Variants in LARGE1 observed in about 807,000 individuals in gnomAD.
LARGE1 encodes xylosyl- and glucuronyltransferase LARGE1.
A neutral mutation model predicts 87.6 loss-of-function variants in LARGE1; 43 were observed. That is an observed-to-expected ratio of 0.49 (90% CI 0.38 to 0.63). The LOEUF is 0.63. Among genes scored for constraint, LARGE1 ranks in the 30% least tolerant of loss-of-function variants. The pLI, the probability that LARGE1 is intolerant of heterozygous loss-of-function variation, is 0.00. For missense variants in LARGE1, 802 were observed against 1,000.2 expected (o/e 0.80, Z 2.67); for synonymous variants, 434 against 394.6 (o/e 1.10, Z -1.18).
rs1361818325 is a variant in LARGE1, at chr22:33,432,254, G to A, written c.799C>T (p.Leu267=). Residue 267 remains leucine (L), a synonymous_variant, in exon 7 of 15, where the codon CTG becomes TTG. Transcript: ENST00000397394. ...VFHKFKGQQV[L]GLVENQSDWY... ...TCACTCTGGTTCTCCACCAAGCCCA[G>A]GACTTGCTGACCTGTGAGGTACAGA... 6.2e-7 allele frequency: 1 copy of A among 1,613,872 alleles called. No homozygotes were observed. The highest frequency in any genetic ancestry group is 8.5e-7 in the Non-Finnish European group (1 of 1,179,888).
chr22:33,793,186 A>C (rs956445195), intron 1 of LARGE1, among the ~76,000 whole-genome samples: 5 of 152,194 alleles, frequency 3.3e-5, no homozygotes, highest in African/African-American at 1.2e-4. Context: ...GAGCTGAAAA[A>C]CATGTTCTGA....
At chr22:33,488,278 T>C (rs888249722) in intron 6 of LARGE1, among the ~76,000 whole-genome samples, 6 of 152,242 alleles carry the variant, frequency 3.9e-5, no homozygotes, top group African/African-American at 1.4e-4. Context: ...CACATGGTAG[T>C]GGTTACCATA....
At position 33,651,956 on chromosome 22, in the gene LARGE1, G is replaced by A. The variant is rs553503239; in HGVS notation, c.107-1288C>T. Among the ~76,000 whole-genome samples the A allele has an allele frequency of 9.2e-5, 14 of 152,232 alleles. No individual in the cohort carries two copies. In the South Asian group the frequency reaches 2.9e-3, roughly 32 times the overall value. On this transcript the variant is annotated intron_variant, in intron 2 of 14. Transcript: ENST00000397394. Reference sequence around the variant, plus strand: ...TGGGAGGCCAAGGCGGGCAAATCACGAGGTCAGGAGATCGAGACCATCCTG... The same window carrying A: ...TGGGAGGCCAAGGCGGGCAAATCACAAGGTCAGGAGATCGAGACCATCCTG...
At chr22:33,766,197 C>T (rs1470812128) in intron 1 of LARGE1, among the ~76,000 whole-genome samples, 2 of 152,250 alleles carry the variant, frequency 1.3e-5, no homozygotes, top group East Asian at 3.9e-4. Flanking sequence ...CTCTAATCTG[C>T]TGTCTCCCTA....
exon 12 of LARGE1, chr22:33,165,897 G>A (rs1922241816): frequency 6.6e-6 from 1 of 152,026 alleles, no homozygotes; most frequent in Non-Finnish European, 1.5e-5. Flanking sequence ...AGCACTTCAG[G>A]AACAAAATCA....
intron 5 of LARGE1, among the ~76,000 whole-genome samples, chr22:33,582,307 A>C (rs554121052): frequency 6.6e-5 from 10 of 152,312 alleles, no homozygotes; most frequent in African/African-American, 1.9e-4. Context: ...GTGGATGAAA[A>C]GTCTTTGTCC....
At chr22:33,510,796 A>T (rs918015161) in intron 6 of LARGE1, among the ~76,000 whole-genome samples, 14 of 152,156 alleles carry the variant, frequency 9.2e-5, no homozygotes, top group African/African-American at 3.4e-4. Flanking sequence ...TATGTTGCCC[A>T]GGCTGGTCTT....
At chr22:33,537,597 T>TCG (rs1403348097) in intron 6 of LARGE1, among the ~76,000 whole-genome samples, 3 of 152,070 alleles carry the variant, frequency 2.0e-5, no homozygotes, top group Non-Finnish European at 4.4e-5. Context: ...AGACGGAGGC[T>TCG]TGTCTGTCAC....
chr22:33,718,224 G>A (rs2082970021), intron 2 of LARGE1, among the ~76,000 whole-genome samples: 1 of 152,166 alleles, frequency 6.6e-6, no homozygotes, highest in African/African-American at 2.4e-5. Context: ...CCAACAGGCT[G>A]ACCAAAGAAG....
intron 7 of LARGE1, among the ~76,000 whole-genome samples, chr22:33,406,862 G>A (rs1364346430): frequency 1.3e-5 from 2 of 151,816 alleles, no homozygotes; most frequent in East Asian, 1.9e-4. Context: ...GCACGATCTT[G>A]GCTCACTGCA....
At chr22:33,359,213 C>G (rs1161975051) in intron 9 of LARGE1, among the ~76,000 whole-genome samples, 1 of 152,054 alleles carries the variant, frequency 6.6e-6, no homozygotes, top group African/African-American at 2.4e-5. Context: ...CAGGTAGAAA[C>G]TCATTGCTGT....
rs530202387 is a variant in LARGE1 at position 33,766,811 on chromosome 22, T to A, written c.-82-5253A>T. On this transcript the variant is annotated intron_variant, in intron 1 of 14. Transcript: ENST00000397394. ...TATCCTTCAGTCCAAAGCAATAAAT[T>A]TTATATACGTGTACAAATAACCTAT... 9.9e-5 allele frequency among the ~76,000 whole-genome samples: 15 copies of A among 151,668 alleles called. No homozygotes were observed. In the South Asian group the frequency reaches 3.1e-3, roughly 32 times the overall value.
intron 1 of LARGE1, among the ~76,000 whole-genome samples, chr22:33,762,817 C>T (rs1419839435): frequency 6.6e-6 from 1 of 152,166 alleles, no homozygotes; most frequent in South Asian, 2.1e-4. Context: ...GACCCTAAGA[C>T]CTCATCTCTA....
rs991881729 is a variant in LARGE1, at chr22:33,361,732, C to CTCCTCTTTAGAGTCCT, written c.1131+20186_1131+20187insAGGACTCTAAAGAGGA. Among the ~76,000 whole-genome samples, 5 of 149,658 alleles carry CTCCTCTTTAGAGTCCT rather than the reference C, an allele frequency of 3.3e-5. 1 individual carries two copies. Among genetic ancestry groups the CTCCTCTTTAGAGTCCT allele is most frequent in the Non-Finnish European group, 6.0e-5 (4 of 67,090 alleles). The stretch of plus-strand genomic sequence containing the variant: ...ACACTCCCCAACTGGCTCAGAGTCC[C>CTCCTCTTTAGAGTCCT]TCCTCTTTAGAGTCCCTCCTCTTTA... On this transcript the variant is annotated intron_variant, in intron 9 of 14. Transcript: ENST00000397394.
chr22:33,831,137 G>A (rs1281262585), intron 1 of LARGE1, among the ~76,000 whole-genome samples: 10 of 137,126 alleles, frequency 7.3e-5, no homozygotes, highest in Admixed American at 7.0e-4. Flanking sequence ...TCGCTCTGTC[G>A]CCTAGCCTGG....
At chr22:33,295,806 T>C (rs1933171451) in intron 12 of LARGE1, among the ~76,000 whole-genome samples, 1 of 151,978 alleles carries the variant, frequency 6.6e-6, no homozygotes, top group African/African-American at 2.4e-5. Context: ...ACATAATACA[T>C]GAGGTCAGAC....
At chr22:33,571,213 C>T (rs2078192420) in intron 5 of LARGE1, among the ~76,000 whole-genome samples, 2 of 152,134 alleles carry the variant, frequency 1.3e-5, no homozygotes, top group Admixed American at 1.3e-4. Flanking sequence ...CACAGGCAAC[C>T]CCAGGTTTTA....
At chr22:33,588,331 G>A (rs1034526582) in intron 5 of LARGE1, among the ~76,000 whole-genome samples, 1 of 152,180 alleles carries the variant, frequency 6.6e-6, no homozygotes, top group Non-Finnish European at 1.5e-5. Flanking sequence ...CCTATAGAAG[G>A]GGAACCCAAA....
At chr22:33,584,631 G>A (rs1012861945) in intron 5 of LARGE1, among the ~76,000 whole-genome samples, 1 of 151,530 alleles carries the variant, frequency 6.6e-6, no homozygotes, top group African/African-American at 2.4e-5. Flanking sequence ...ATTAAATAGA[G>A]TTAACATCAG....
Sources: gnomAD v4.1 joint callset for allele counts (sites outside exome capture counted in the v4.1 genomes callset) on GRCh38, gnomAD v4.1.1 for gene constraint, MANE v1.5 for transcripts, NCBI Gene and HGNC (gene_info 2026-07-23, HGNC 2026-07-21) for gene names.